Variants in KAZN observed in about 807,000 individuals in gnomAD.
KAZN encodes the protein kazrin.
A neutral mutation model predicts 87.4 loss-of-function variants in KAZN; 40 were observed. That is an observed-to-expected ratio of 0.46 (90% CI 0.36 to 0.60). KAZN has a LOEUF of 0.60. Among genes scored for constraint, KAZN ranks in the 20% least tolerant of loss-of-function variants. The pLI is 0.00. For missense variants in KAZN, 898 were observed against 1,073.9 expected, an observed-to-expected ratio of 0.84 and a Z score of 2.29; for synonymous variants, 466 against 458.3, an observed-to-expected ratio of 1.02 and a Z score of -0.22.
At chr1:14,183,497 C>G (rs1461495645) in intron 2 of KAZN, among the ~76,000 whole-genome samples, 1 of 152,076 alleles carries the variant, frequency 6.6e-6, no homozygotes, top group Non-Finnish European at 1.5e-5. Context: ...ATTCAGATCG[C>G]ATTTGAAACC....
At chr1:14,945,035 G>C (rs776180779) in intron 1 of KAZN, among the ~76,000 whole-genome samples, 2 of 152,190 alleles carry the variant, frequency 1.3e-5, no homozygotes, top group African/African-American at 4.8e-5. Flanking sequence ...CAGGCTGCAC[G>C]GAGGCTCATG....
intron 10 of KAZN, among the ~76,000 whole-genome samples, chr1:15,098,235 T>G (rs3752934): frequency 6.6e-6 from 1 of 152,338 alleles, no homozygotes; most frequent in East Asian, 1.9e-4. Context: ...AGTTCAGGGA[T>G]GGGGCAGTGA....
At chr1:14,286,904 C>G (rs531364550) in intron 2 of KAZN, among the ~76,000 whole-genome samples, 2 of 152,144 alleles carry the variant, frequency 1.3e-5, no homozygotes, top group African/African-American at 4.8e-5. Context: ...GTAAACTGTG[C>G]TAATGAAATT....
At chr1:14,145,259 A>G (rs1040878245) in intron 1 of KAZN, among the ~76,000 whole-genome samples, 5 of 152,112 alleles carry the variant, frequency 3.3e-5, no homozygotes, top group Admixed American at 2.0e-4. Flanking sequence ...CCTGGGCAAC[A>G]TAGTGAGACC....
chr1:14,670,758 G>A (rs1299371516), intron 1 of KAZN, among the ~76,000 whole-genome samples: 1 of 152,192 alleles, frequency 6.6e-6, no homozygotes, highest in African/African-American at 2.4e-5. Flanking sequence ...GTAGGTCTGG[G>A]CTCAAGGCCT....
intron 1 of KAZN, among the ~76,000 whole-genome samples, chr1:14,665,791 AGTT>A (rs1639496942): frequency 6.6e-6 from 1 of 152,102 alleles, no homozygotes; most frequent in Non-Finnish European, 1.5e-5. Context: ...TCCATAGCCT[AGTT>A]GTTCTGTTAA....
intron 4 of KAZN, among the ~76,000 whole-genome samples, chr1:15,050,145 T>TAG (rs1674184590): frequency 3.9e-5 from 4 of 102,404 alleles, no homozygotes; most frequent in African/African-American, 4.6e-5. Context: ...CTCAATAGAA[T>TAG]AATAGAATAG....
At chr1:14,392,714 C>A (rs568533926) in intron 2 of KAZN, among the ~76,000 whole-genome samples, 1 of 152,120 alleles carries the variant, frequency 6.6e-6, no homozygotes, top group African/African-American at 2.4e-5. Context: ...AAAAAGTCTG[C>A]GAACATTGCC....
At chr1:13,930,771 G>A (rs1640480502) in intron 1 of KAZN, among the ~76,000 whole-genome samples, 1 of 152,236 alleles carries the variant, frequency 6.6e-6, no homozygotes. Context: ...GAGTTTACCA[G>A]AGCTGATAGT....
intron 2 of KAZN, among the ~76,000 whole-genome samples, chr1:14,499,536 G>A (rs1432693997): frequency 2.0e-5 from 3 of 152,178 alleles, no homozygotes; most frequent in African/African-American, 4.8e-5. Flanking sequence ...AATAACAATG[G>A]TGCATTGTCT....
chr1:15,000,797 C>T lies in KAZN; in HGVS notation c.419-33952C>T, dbSNP rs530747612. On this transcript the variant is annotated intron_variant, in intron 2 of 14. Transcript: ENST00000376030. ...CTTGTACGTTTGGATCAACATTAGG[C>T]AACCTGGATTCAAATTCCAGCTTTG... 2.6e-4 allele frequency among the ~76,000 whole-genome samples: 39 copies of T among 152,106 alleles called. 1 individual carries two copies. The highest frequency in any genetic ancestry group is 8.9e-4 in the African/African-American group (37 of 41,364).
In KAZN at chr1:13,898,751, G is replaced by A. The variant is rs548342571; in HGVS notation, c.91+4995G>A. Reference sequence around the variant, plus strand: ...AGAAACTCAGACATGTGCAAGCCATGCCTGTCTGTCTGTCTCTCTCACCTG... The same window carrying A: ...AGAAACTCAGACATGTGCAAGCCATACCTGTCTGTCTGTCTCTCTCACCTG... On this transcript the variant is annotated intron_variant, in intron 1 of 16. Coordinates refer to the KAZN transcript ENST00000636203. Among the ~76,000 whole-genome samples the A allele has an allele frequency of 2.6e-5, 4 of 152,332 alleles. 1 individual carries two copies. The East Asian group carries it at 7.7e-4, about 29-fold the overall frequency.
Position 14,727,450 on chromosome 1 carries a change from C to CT in KAZN, c.226+128273dup, listed in dbSNP as rs57203868. ...GTCCATCACATTTATTGTGCACTTT[C>CT]TTTTTTTTTTTTTTTTTTTTTTTTT... is the stretch of plus-strand genomic sequence containing the variant. On this transcript the variant is annotated intron_variant, in intron 1 of 14. Coordinates refer to ENST00000376030, the MANE Select transcript of KAZN (RefSeq NM_201628.3). Among the ~76,000 whole-genome samples, 3 of 73,906 alleles carry CT rather than the reference C, an allele frequency of 4.1e-5. 1 individual carries two copies. The highest frequency in any genetic ancestry group is 7.7e-5 in the Non-Finnish European group (3 of 38,990). 48.5% of individuals were successfully genotyped at this position (73,906 alleles called of 152,430 possible).
At chr1:15,067,107 C>T in intron 8 of KAZN, 1 of 985,788 alleles carries the variant, frequency 1.0e-6, no homozygotes, top group Non-Finnish European at 1.2e-6. Context: ...CTCCCTGCAG[C>T]TGTGTCTTTC....
At chr1:14,806,964 C>A (rs1318442155) in intron 1 of KAZN, among the ~76,000 whole-genome samples, 1 of 152,214 alleles carries the variant, frequency 6.6e-6, no homozygotes, top group Non-Finnish European at 1.5e-5. Flanking sequence ...TCAGGACTCC[C>A]TTGCAGCTAG....
At chr1:14,282,032 T>A (rs949334607) in intron 2 of KAZN, among the ~76,000 whole-genome samples, 1 of 152,210 alleles carries the variant, frequency 6.6e-6, no homozygotes, top group Admixed American at 6.5e-5. Flanking sequence ...TCTGTTTTTA[T>A]CTCTTACATA....
rs566275164 is a variant in KAZN at position 14,562,330 on chromosome 1, C to A, written c.250-36653C>A. On this transcript the variant is annotated intron_variant, in intron 2 of 16. Transcript: ENST00000636203. ...ATATTTGGGATACGGAAAAAGTATG[C>A]TTGCTTTCGTATTCTGGATGATTGA... Among the ~76,000 whole-genome samples the A allele has an allele frequency of 1.8e-4, 27 of 152,208 alleles. No individual in the cohort carries two copies. In the South Asian group the frequency reaches 5.0e-3, roughly 28 times the overall value.
At chr1:14,251,769 T>A (rs1343498161) in intron 2 of KAZN, among the ~76,000 whole-genome samples, 1 of 149,716 alleles carries the variant, frequency 6.7e-6, no homozygotes, top group Non-Finnish European at 1.5e-5. Flanking sequence ...CTGCCTCAGC[T>A]TCCTGAGTAG....
At chr1:15,076,613 C>A (rs921691589) in intron 8 of KAZN, among the ~76,000 whole-genome samples, 24 of 152,204 alleles carry the variant, frequency 1.6e-4, no homozygotes, top group African/African-American at 5.8e-4. Context: ...GAACCCAGGC[C>A]CTGAGTCTGG....
Sources: gnomAD v4.1 joint callset for allele counts (sites outside exome capture counted in the v4.1 genomes callset) on GRCh38, gnomAD v4.1.1 for gene constraint, MANE v1.5 for transcripts, NCBI Gene and HGNC (gene_info 2026-07-23, HGNC 2026-07-21) for gene names.